SERPINA12: variants seen among roughly 807,000 people sequenced by gnomAD.
SERPINA12 encodes serpin family A member 12, also known as serpin A12.
In SERPINA12, 21 loss-of-function variants were observed where a neutral mutation model predicts 25.9. That is an observed-to-expected ratio of 0.81 (90% CI 0.58 to 1.17). The LOEUF is 1.17. SERPINA12 is among the 50% of genes most tolerant of loss of function. The pLI is 0.00. For missense variants in SERPINA12, 562 were observed against 508.3 expected (o/e 1.11, Z -1.02); for synonymous variants, 220 against 196.0 (o/e 1.12, Z -1.02).
chr14:94,488,230 CT>C (rs1566803305), intron 4 of SERPINA12, among the ~76,000 whole-genome samples: 1 of 152,122 alleles, frequency 6.6e-6, no homozygotes, highest in Non-Finnish European at 1.5e-5. Context: ...ATTCTAGTAA[CT>C]ATGTTTCTTA....
At chr14:94,489,389 G>T (rs1378528599) in intron 4 of SERPINA12, among the ~76,000 whole-genome samples, 2 of 152,194 alleles carry the variant, frequency 1.3e-5, no homozygotes, top group Admixed American at 1.3e-4. Context: ...TTGCTACATT[G>T]AATTGATTTC....
At chr14:94,499,939 G>A (rs116168599) in intron 1 of SERPINA12, among the ~76,000 whole-genome samples, 1 of 152,182 alleles carries the variant, frequency 6.6e-6, no homozygotes, top group Non-Finnish European at 1.5e-5. Context: ...TTTCTGGAGA[G>A]GGGAGGGCAG....
chr14:94,496,541 A>G lies in SERPINA12; in HGVS notation c.737T>C (p.Ile246Thr), dbSNP rs763266208. The change falls in exon 3 of 5, where the codon ATA becomes ACA. Residue 246 changes from isoleucine to threonine, a missense_variant. By Grantham distance (89) the Ile-to-Thr change is moderately conservative (BLOSUM62 -1). Coordinates refer to ENST00000677451, the MANE Select transcript of SERPINA12 (RefSeq NM_001382267.1). ...VKVPMMFRSGIYQVGYDDKLS... is the reference protein window; with the variant it reads ...VKVPMMFRSGTYQVGYDDKLS... The stretch of plus-strand genomic sequence containing the variant: ...CTTATCGTCATAGCCAACTTGGTAT[A>G]TGCCACTACGGAACATCATGGGCAC... 4.3e-6 allele frequency: 7 copies of G among 1,614,118 alleles called. No homozygotes were observed. The highest frequency in any genetic ancestry group is 3.3e-4 in the Middle Eastern group (2 of 6,062).
chr14:94,489,894 C>G, intron 3 of SERPINA12, 127 bp from the exon 4 acceptor site: 1 of 919,688 alleles, frequency 1.1e-6, no homozygotes, highest in East Asian at 2.5e-5. Context: ...TCTCCATCCA[C>G]AGAATGAGGA....
upstream of SERPINA12, among the ~76,000 whole-genome samples, chr14:94,513,953 A>C (rs921839512): frequency 2.0e-5 from 3 of 152,138 alleles, no homozygotes; most frequent in Admixed American, 2.0e-4. Context: ...GGGACCTCAC[A>C]GTCCGAGAAG....
At chr14:94,491,473 T>A (rs1900177130) in intron 3 of SERPINA12, among the ~76,000 whole-genome samples, 1 of 151,952 alleles carries the variant, frequency 6.6e-6, no homozygotes, top group Non-Finnish European at 1.5e-5. Flanking sequence ...TTCTGTTGCC[T>A]CTGTTAAGAA....
intron 1 of SERPINA12, among the ~76,000 whole-genome samples, chr14:94,506,917 T>C (rs1900948542): frequency 1.3e-5 from 2 of 152,298 alleles, no homozygotes; most frequent in Admixed American, 6.5e-5. Context: ...AAGATGGCTG[T>C]AAAGCCACAG....
chr14:94,487,592 C>T (rs1179356002), intron 4 of SERPINA12, 98 bp from the exon 5 acceptor site: 5 of 983,866 alleles, frequency 5.1e-6, no homozygotes, highest in South Asian at 5.0e-5. Context: ...ACCACTTGGC[C>T]CAAGCCATCC....
In SERPINA12 at chr14:94,490,139, C is replaced by T. The variant is rs571214475; in HGVS notation, c.906-372G>A. 2.0e-5 allele frequency among the ~76,000 whole-genome samples: 3 copies of T among 152,298 alleles called. No homozygotes were observed. In the South Asian group the frequency reaches 6.2e-4, roughly 32 times the overall value. ...CCAGAAGACCTGACACTGGAGGGAA[C>T]AAGGCACCCAGAATCTGGAGGTAGA... On this transcript the variant is annotated intron_variant, in intron 3 of 4. Coordinates refer to ENST00000677451, the MANE Select transcript of SERPINA12 (RefSeq NM_001382267.1).
rs565964916 is a variant in SERPINA12, at chr14:94,496,611, T to C, written c.667A>G (p.Thr223Ala). The stretch of plus-strand genomic sequence containing the variant: ...TCCAGAAAGAAATCTTCCTCTTTAG[T>C]TACATTTGGATCAAACTCATGTTTC... ...RWKHEFDPNVTKEEDFFLEKN... is the reference protein window; with the variant it reads ...RWKHEFDPNVAKEEDFFLEKN... The change falls in exon 3 of 5, where the codon ACT (threonine) becomes GCT (alanine). Residue 223 changes from threonine (T) to alanine (A), a missense_variant. Physicochemically the swap from Thr to Ala is moderately conservative, Grantham distance 58 (BLOSUM62 0). Coordinates refer to ENST00000677451, the MANE Select transcript of SERPINA12 (RefSeq NM_001382267.1). 6.2e-7 allele frequency: 1 copy of C among 1,614,072 alleles called. No homozygotes were observed. The highest frequency in any genetic ancestry group is 8.5e-7 in the Non-Finnish European group (1 of 1,179,922).
At chr14:94,492,827 C>T (rs1477446308) in intron 3 of SERPINA12, among the ~76,000 whole-genome samples, 1 of 152,158 alleles carries the variant, frequency 6.6e-6, no homozygotes, top group African/African-American at 2.4e-5. Context: ...TTCAAAGCCA[C>T]CAGCAGTTTT....
intron 4 of SERPINA12, among the ~76,000 whole-genome samples, chr14:94,488,101 C>T (rs576105399): frequency 6.6e-6 from 1 of 152,312 alleles, no homozygotes; most frequent in East Asian, 1.9e-4. Context: ...GTGTTACAAT[C>T]ACAGCTATCA....
At chr14:94,507,759 T>A (rs757529310) in intron 1 of SERPINA12, among the ~76,000 whole-genome samples, 4 of 152,096 alleles carry the variant, frequency 2.6e-5, no homozygotes, top group Non-Finnish European at 5.9e-5. Flanking sequence ...GACACCAACG[T>A]GTTGATTGGA....
intron 2 of SERPINA12, chr14:94,515,792 T>G (rs1901218075): frequency 6.6e-6 from 1 of 152,192 alleles, no homozygotes; most frequent in African/African-American, 2.4e-5. Flanking sequence ...GCAGACCGGG[T>G]TTGAACACCA....
In SERPINA12 at chr14:94,509,327, G is replaced by T. The variant is rs1595700822; in HGVS notation, c.-34+15C>A. ...ACACACACACACACACACACACACT[G>T]CCCCTTGGACTAACCTCACCTCCCC... On this transcript the variant is annotated intron_variant, in intron 1 of 4. Coordinates refer to ENST00000677451, the MANE Select transcript of SERPINA12 (RefSeq NM_001382267.1). Among the ~76,000 whole-genome samples, 1 of 74,078 alleles carries T rather than the reference G, an allele frequency of 1.3e-5. No individual in the cohort carries two copies. The highest frequency in any genetic ancestry group is 1.2e-4 in the Admixed American group (1 of 8,008). 48.6% of individuals were successfully genotyped at this position (74,078 alleles called of 152,430 possible).
intron 2 of SERPINA12, among the ~76,000 whole-genome samples, chr14:94,515,372 T>C (rs942302378): frequency 6.6e-6 from 1 of 152,066 alleles, no homozygotes; most frequent in African/African-American, 2.4e-5. Flanking sequence ...AGTTTCTACA[T>C]CACCCTCCCC....
Position 94,491,376 on chromosome 14 carries a change from G to GT in SERPINA12, c.906-1610_906-1609insA, listed in dbSNP as rs1442534440. ...CAGGCAAGAGAGTTAGACAAATTGGGGTTTTTTTTCCTGAATAAAATGGGG... is the reference window on the plus strand; with the variant it reads ...CAGGCAAGAGAGTTAGACAAATTGGGTGTTTTTTTTCCTGAATAAAATGGGG... On this transcript the variant is annotated intron_variant, in intron 3 of 4. Coordinates refer to ENST00000677451, the MANE Select transcript of SERPINA12 (RefSeq NM_001382267.1). Among the ~76,000 whole-genome samples, 11 of 151,968 alleles carry GT rather than the reference G, an allele frequency of 7.2e-5. No individual in the cohort carries two copies. In the East Asian group the frequency reaches 1.3e-3, roughly 19 times the overall value.
chr14:94,510,860 G>T (rs1901092018), upstream of SERPINA12, among the ~76,000 whole-genome samples: 1 of 152,166 alleles, frequency 6.6e-6, no homozygotes, highest in Non-Finnish European at 1.5e-5. Context: ...ACCAAATATT[G>T]CATGTTCTTG....
Position 94,498,329 on chromosome 14 carries a change from C to G in SERPINA12, c.69G>C (p.Pro23=). The G allele has an allele frequency of 6.2e-7, 1 of 1,614,146 alleles. No homozygotes were observed. The change falls in exon 2 of 5, where the codon CCG becomes CCC. Residue 23 remains proline, a synonymous_variant. Coordinates refer to ENST00000677451, the MANE Select transcript of SERPINA12 (RefSeq NM_001382267.1). Reference sequence around the variant, plus strand: ...CTTTATAATTCCTTGGTGAGAAGCTCGGCTTTAGAAGACCTTTCACCGTGA... The same window carrying G: ...CTTTATAATTCCTTGGTGAGAAGCTGGGCTTTAGAAGACCTTTCACCGTGA... ...VLLTVKGLLK[P]SFSPRNYKAL... is the part of the protein sequence containing the mutation.
Sources: gnomAD v4.1 joint callset for allele counts (sites outside exome capture counted in the v4.1 genomes callset) on GRCh38, gnomAD v4.1.1 for gene constraint, MANE v1.5 for transcripts, NCBI Gene and HGNC (gene_info 2026-07-23, HGNC 2026-07-21) for gene names.